The following TTC39A variants were observed in gnomAD, a reference collection of about 807,000 sequenced individuals.
TTC39A encodes tetratricopeptide repeat protein 39A.
TTC39A carries 46 observed loss-of-function variants against 82.3 expected under a neutral mutation model. The observed-to-expected ratio is 0.56, with a 90% CI of 0.44 to 0.71. The LOEUF is 0.71. TTC39A is among the 30% of genes least tolerant of loss of function. The pLI is 0.00. For missense variants in TTC39A, 543 were observed against 712.9 expected (o/e 0.76, Z 2.71); for synonymous variants, 254 against 275.2 (o/e 0.92, Z 0.76).
chr1:51,330,971 T>C (rs1645897316), upstream of TTC39A: 4 of 653,246 alleles, frequency 6.1e-6, no homozygotes, highest in Non-Finnish European at 1.1e-5. The surrounding 1 kb of genome is among the most constrained non-coding windows in gnomAD (Gnocchi z 4.5). Flanking sequence ...CAGGCCTGGA[T>C]TTTAATCCCA....
intron 6 of TTC39A, among the ~76,000 whole-genome samples, chr1:51,306,277 G>T (rs971492217): frequency 3.9e-5 from 6 of 152,122 alleles, no homozygotes; most frequent in Admixed American, 2.0e-4. Flanking sequence ...AATTTCAGCC[G>T]TATGGGCCCT....
chr1:51,335,955 G>A (rs1012713760), upstream of TTC39A, among the ~76,000 whole-genome samples: 4 of 152,132 alleles, frequency 2.6e-5, no homozygotes, highest in Middle Eastern at 3.4e-3. Flanking sequence ...AGCATTATTT[G>A]GGTGACTCCT....
intron 6 of TTC39A, among the ~76,000 whole-genome samples, chr1:51,307,236 G>A (rs1380301448): frequency 6.6e-6 from 1 of 152,184 alleles, no homozygotes; most frequent in East Asian, 1.9e-4. Flanking sequence ...GACAAGGTGT[G>A]TGCTTTGGTG....
intron 1 of TTC39A, chr1:51,322,365 C>A (rs1276661822): frequency 1.7e-6 from 2 of 1,210,298 alleles, no homozygotes; most frequent in African/African-American, 3.1e-5. Flanking sequence ...GCCAATGGCT[C>A]CTCCAGAATA....
rs1266905563 is a variant in TTC39A at position 51,287,296 on chromosome 1, CA to C, written c.*860del. 1 of 152,196 alleles carries C rather than the reference CA, an allele frequency of 6.6e-6. No homozygotes were observed. Among genetic ancestry groups the C allele is most frequent in the East Asian group, 1.9e-4 (1 of 5,204 alleles). 9.4% of individuals were successfully genotyped at this position (152,196 alleles called of 1,614,324 possible). On this transcript the variant is annotated 3_prime_UTR_variant, in exon 18 of 18. Transcript: ENST00000680483. ...TTTTAACAAAAATGCTGTCAGTAAG[CA>C]AATGTACCTTGGAGTGAAGTACAGA...
intron 5 of TTC39A, among the ~76,000 whole-genome samples, chr1:51,309,996 G>A (rs1335186636): frequency 1.3e-5 from 2 of 152,076 alleles, no homozygotes; most frequent in African/African-American, 2.4e-5. Flanking sequence ...GTACAAAGCT[G>A]AGAAAGCTAT....
At chr1:51,291,617 C>T (rs1644222263) in intron 14 of TTC39A, among the ~76,000 whole-genome samples, 1 of 139,772 alleles carries the variant, frequency 7.2e-6, no homozygotes, top group African/African-American at 2.8e-5. Flanking sequence ...ATGGCGAAAC[C>T]CCATCTCCAC....
chr1:51,290,870 A>C (rs1644184841), intron 14 of TTC39A, among the ~76,000 whole-genome samples: 1 of 152,160 alleles, frequency 6.6e-6, no homozygotes, highest in Non-Finnish European at 1.5e-5. Flanking sequence ...CAATGTCCGT[A>C]ATGTGCTGCT....
intron 14 of TTC39A, among the ~76,000 whole-genome samples, chr1:51,292,569 T>A (rs192644893): frequency 6.6e-6 from 1 of 152,278 alleles, no homozygotes; most frequent in East Asian, 1.9e-4. Flanking sequence ...AAACTGGGAC[T>A]ACAGATGCAG....
intron 2 of TTC39A, among the ~76,000 whole-genome samples, chr1:51,320,987 C>G (rs1229614856): frequency 6.6e-6 from 1 of 151,032 alleles, no homozygotes; most frequent in Non-Finnish European, 1.5e-5. Flanking sequence ...ATTCCCCTTC[C>G]TCAGCCTCCT....
upstream of TTC39A, chr1:51,331,331 C>A: frequency 6.6e-7 from 1 of 1,521,618 alleles, no homozygotes; most frequent in Non-Finnish European, 8.8e-7. Flanking sequence ...CTCCACCTGA[C>A]CTGATCTTCT....
rs375538643 is a variant in TTC39A at position 51,302,556 on chromosome 1, T to C, written c.781A>G (p.Ile261Val). Residue 261 changes from isoleucine (I) to valine (V), a missense_variant, in exon 10 of 18, where the codon ATC becomes GTC. Transcript: ENST00000680483. ...TFVLGTGNVN[I>V]EEAEKLLKPY... ...TTCAAGAGCTTCTCGGCCTCCTCGA[T>C]GTTGACGTTCCCAGTACCTGGAGGA... The C allele has an allele frequency of 1.5e-5, 24 of 1,605,320 alleles. No individual in the cohort carries two copies. The highest frequency in any genetic ancestry group is 2.0e-5 in the Non-Finnish European group (23 of 1,176,104).
At position 51,288,857 on chromosome 1, in the gene TTC39A, T is replaced by C. The variant is rs367992416; in HGVS notation, c.1592A>G (p.Lys531Arg). Residue 531 changes from lysine (K) to arginine (R), a missense_variant, in exon 17 of 18, where the codon AAA becomes AGA. Physicochemically the swap from Lys to Arg is conservative, Grantham distance 26. Transcript: ENST00000680483. The surrounding 1 kb of genome is among the most constrained non-coding windows in gnomAD (Gnocchi z 4.8). ...MEQDRNEEAIKLLESAKQNYK... is the reference protein window; with the variant it reads ...MEQDRNEEAIRLLESAKQNYK... Reference sequence around the variant, plus strand: ...GCCTTACTTGGCAGATTCCAAAAGTTTGATGGCCTCTTCGTTTCTGTCTTG... The same window carrying C: ...GCCTTACTTGGCAGATTCCAAAAGTCTGATGGCCTCTTCGTTTCTGTCTTG... 214 of 1,609,096 alleles carry C rather than the reference T, an allele frequency of 1.3e-4. No individual in the cohort carries two copies. Among genetic ancestry groups the C allele is most frequent in the Non-Finnish European group, 1.8e-4 (210 of 1,177,856 alleles).
chr1:51,325,570 C>A (rs1312135877), intron 1 of TTC39A, among the ~76,000 whole-genome samples: 1 of 152,184 alleles, frequency 6.6e-6, no homozygotes, highest in African/African-American at 2.4e-5. Flanking sequence ...TATTACCCCC[C>A]CACACCTATT....
chr1:51,311,152 T>C lies in TTC39A; in HGVS notation c.423+102A>G, dbSNP rs1165351520. ...GCTACAGGGGATGAGTCGTGGTTGC[T>C]ATGGGGGATGGGTCACAGTTGCTCT... On this transcript the variant is annotated intron_variant, in intron 5 of 17. Coordinates refer to ENST00000680483, the MANE Select transcript of TTC39A (RefSeq NM_001297663.2). 3.5e-6 allele frequency: 4 copies of C among 1,131,212 alleles called. No homozygotes were observed. In the African/African-American group the frequency reaches 6.2e-5, roughly 18 times the overall value. 70.1% of individuals were successfully genotyped at this position (1,131,212 alleles called of 1,614,324 possible). A position where few individuals can be genotyped will look rare whatever the true frequency, so the allele number is the denominator to read the frequency against.
chr1:51,336,762 A>G (rs574788238), intron 1 of TTC39A, among the ~76,000 whole-genome samples: 159 of 152,284 alleles, frequency 1.0e-3, no homozygotes, highest in Middle Eastern at 3.4e-3. Flanking sequence ...TGGGCCAGTA[A>G]CTTCATTTCT....
intron 1 of TTC39A, among the ~76,000 whole-genome samples, chr1:51,324,608 T>C (rs1230117814): frequency 3.9e-5 from 6 of 152,126 alleles, no homozygotes; most frequent in Middle Eastern, 3.4e-3. Flanking sequence ...AGCAACCTCC[T>C]CCTCCCAGGT....
At chr1:51,340,898 G>A (rs1293159627) in intron 1 of TTC39A, among the ~76,000 whole-genome samples, 1 of 152,218 alleles carries the variant, frequency 6.6e-6, no homozygotes, top group Non-Finnish European at 1.5e-5. Flanking sequence ...AAGGCCGGGT[G>A]CGGTAGCTCT....
At chr1:51,298,355 G>C (rs1466786720) in intron 12 of TTC39A, 1 of 152,652 alleles carries the variant, frequency 6.6e-6, no homozygotes, top group Non-Finnish European at 1.5e-5. Context: ...ATGTCCTCCA[G>C]GACCTGCCCT....
Sources: allele counts gnomAD v4.1 joint callset (sites outside exome capture counted in the v4.1 genomes callset), GRCh38; gene constraint gnomAD v4.1.1; non-coding constraint Gnocchi (gnomAD v3.1); transcripts MANE v1.5; gene names NCBI Gene and HGNC (gene_info 2026-07-23, HGNC 2026-07-21).